Variants in CEBPZ observed in about 807,000 individuals in gnomAD.
CEBPZ encodes the protein CCAAT enhancer binding protein zeta.
In CEBPZ, 78 loss-of-function variants were observed where a neutral mutation model predicts 104.5. That is an observed-to-expected ratio of 0.75 (90% confidence interval 0.62 to 0.90). The LOEUF (loss-of-function observed/expected upper bound fraction) is 0.90, where lower values mean the gene tolerates loss of function less well. Ranked by LOEUF, CEBPZ falls within the 40% of genes least tolerant of loss-of-function variation. The probability of loss-of-function intolerance (pLI) is 0.00; values close to 1 mark genes in which losing one functional copy is unlikely to be tolerated. For missense variants in CEBPZ, 1,439 were observed against 1,233.5 expected (o/e 1.17, Z -2.50); for synonymous variants, 470 against 427.0 (o/e 1.10, Z -1.24).
chr2:37,224,108 G>C (rs1258427813), intron 2 of CEBPZ, among the ~76,000 whole-genome samples: 1 of 152,138 alleles, frequency 6.6e-6, no homozygotes, highest in Admixed American at 6.5e-5. Context: ...ATGAAATAGG[G>C]ATTATGCCTG....
At chr2:37,218,282 A>C (rs1366040655) in intron 5 of CEBPZ, among the ~76,000 whole-genome samples, 1 of 151,970 alleles carries the variant, frequency 6.6e-6, no homozygotes, top group Non-Finnish European at 1.5e-5. Flanking sequence ...AAAAAAGAAA[A>C]AAGAAAAAAA....
intron 13 of CEBPZ, chr2:37,210,148 T>G (rs1677674943): frequency 6.6e-6 from 1 of 152,174 alleles, no homozygotes; most frequent in African/African-American, 2.4e-5. Flanking sequence ...ATGGATGTGG[T>G]AATAAGGGAA....
intron 5 of CEBPZ, among the ~76,000 whole-genome samples, chr2:37,218,372 C>T (rs1045787591): frequency 1.3e-5 from 2 of 152,182 alleles, no homozygotes; most frequent in African/African-American, 4.8e-5. Context: ...TAATGTCTGG[C>T]TTAACAGAAG....
At position 37,231,484 on chromosome 2, in the gene CEBPZ, C is replaced by G. The variant is rs138749844; in HGVS notation, c.84G>C (p.Glu28Asp). 6 of 1,614,132 alleles carry G rather than the reference C, an allele frequency of 3.7e-6. No individual in the cohort carries two copies. The African/African-American group carries it at 8.0e-5, about 22-fold the overall frequency. ...PEEAVEDPDEEDEDNTSEAEN... is the reference protein window; with the variant it reads ...PEEAVEDPDEDDEDNTSEAEN... ...CGGCTTCACTAGTATTATCCTCATC[C>G]TCCTCGTCCGGATCTTCTACTGCCT... Residue 28 changes from glutamate to aspartate, a missense_variant, in exon 1 of 16, where the codon GAG (glutamate) becomes GAC (aspartate). By Grantham distance (45) the Glu-to-Asp change is conservative (BLOSUM62 2). Coordinates refer to ENST00000234170, the MANE Select transcript of CEBPZ (RefSeq NM_005760.3).
At chr2:37,222,338 G>A (rs1225475901) in intron 4 of CEBPZ, 42 bp downstream of exon 4, 1 of 1,423,354 alleles carries the variant, frequency 7.0e-7, no homozygotes, top group East Asian at 2.4e-5. Context: ...GAAAATCAAA[G>A]AGAAACAAAC....
chr2:37,212,487 CT>C, intron 10 of CEBPZ, 95 bp from the exon 11 acceptor site: 1 of 1,063,582 alleles, frequency 9.4e-7, no homozygotes, highest in Non-Finnish European at 1.4e-6. Flanking sequence ...CATGATTCTG[CT>C]GTTTATGACA....
At chr2:37,220,775 G>A (rs139616936) in intron 4 of CEBPZ, among the ~76,000 whole-genome samples, 1 of 152,288 alleles carries the variant, frequency 6.6e-6, no homozygotes, top group East Asian at 1.9e-4. Context: ...TGGATCATTT[G>A]AGTTCAGGAG....
chr2:37,228,386 A>T lies in CEBPZ; in HGVS notation c.807T>A (p.Leu269=), dbSNP rs755242196. The part of the protein sequence containing the change: ...AVHTLQFVET[L]VNLVKKKGSK... The stretch of plus-strand genomic sequence containing the variant: ...TGCCCTTCTTTTTAACAAGGTTCAC[A>T]AGAGTTTCTACAAACTGAAGTGTGT... Residue 269 remains leucine (L), a synonymous_variant, in exon 2 of 16, where the codon CTT becomes CTA. Transcript: ENST00000234170. The T allele has an allele frequency of 1.9e-6, 3 of 1,614,232 alleles. No homozygotes were observed. The highest frequency in any genetic ancestry group is 2.5e-6 in the Non-Finnish European group (3 of 1,180,046).
chr2:37,222,344 C>G, intron 4 of CEBPZ, 36 bp downstream of exon 4: 2 of 1,463,782 alleles, frequency 1.4e-6, no homozygotes, highest in Non-Finnish European at 1.8e-6. Flanking sequence ...CAAAGAGAAA[C>G]AAACTCCCTA....
intron 13 of CEBPZ, among the ~76,000 whole-genome samples, chr2:37,208,092 T>A (rs1677598881): frequency 6.6e-6 from 1 of 152,128 alleles, no homozygotes; most frequent in Non-Finnish European, 1.5e-5. Flanking sequence ...CCTTCTAGAT[T>A]AAACCAGAAA....
At chr2:37,205,551 C>T (rs1656522716) in intron 13 of CEBPZ, among the ~76,000 whole-genome samples, 1 of 152,218 alleles carries the variant, frequency 6.6e-6, no homozygotes, top group Admixed American at 6.5e-5. Flanking sequence ...TTTTCGGACT[C>T]AGCCCGCCTG....
Position 37,201,692 on chromosome 2 carries a change from G to C in CEBPZ, c.*72C>G. The C allele has an allele frequency of 4.3e-6, 4 of 928,404 alleles. No individual in the cohort carries two copies. Among genetic ancestry groups the C allele is most frequent in the Non-Finnish European group, 6.9e-6 (4 of 577,462 alleles). The allele number at this position is 928,404 out of a possible 1,614,324, so 57.5% of individuals were successfully genotyped here. A position where few individuals can be genotyped will look rare whatever the true frequency, so the allele number is the denominator to read the frequency against. The stretch of plus-strand genomic sequence containing the variant: ...TGGAATGTATGGAATCAGAGAGCTA[G>C]ATCAAAAAACATGGTTGAACAGCAA... On this transcript the variant is annotated 3_prime_UTR_variant, in exon 16 of 16. Coordinates refer to ENST00000234170, the MANE Select transcript of CEBPZ (RefSeq NM_005760.3).
intron 11 of CEBPZ, 81 bp from the exon 12 acceptor site, chr2:37,212,120 C>G: frequency 8.2e-7 from 1 of 1,224,952 alleles, no homozygotes; most frequent in Non-Finnish European, 1.1e-6. Flanking sequence ...GGGCAGTAGG[C>G]TATTAAATGA....
intron 5 of CEBPZ, among the ~76,000 whole-genome samples, chr2:37,218,950 T>C (rs912460193): frequency 6.6e-6 from 1 of 152,236 alleles, no homozygotes; most frequent in African/African-American, 2.4e-5. Flanking sequence ...GCACATTTCG[T>C]TATACTTTAC....
At position 37,216,158 on chromosome 2, in the gene CEBPZ, C is replaced by T. The variant is rs772577413; in HGVS notation, c.2362G>A (p.Asp788Asn). The T allele has an allele frequency of 2.9e-5, 47 of 1,612,084 alleles. No individual in the cohort carries two copies. Among genetic ancestry groups the T allele is most frequent in the Non-Finnish European group, 3.6e-5 (43 of 1,179,080 alleles). ...MQPKRKHFIK[D>N]IRHLPVNSKE... ...TACTTACCAGGAAGATGACGAATAT[C>T]CTTAATAAAATGTTTTCTTTTCGGC... The change falls in exon 8 of 16, where the codon GAT (aspartate) becomes AAT (asparagine). Residue 788 changes from aspartate to asparagine, a missense_variant. Transcript: ENST00000234170.
In CEBPZ at chr2:37,228,632, C is replaced by G; in HGVS notation, c.561G>C (p.Glu187Asp). The G allele has an allele frequency of 6.2e-7, 1 of 1,614,158 alleles. No homozygotes were observed. Among genetic ancestry groups the G allele is most frequent in the Non-Finnish European group, 8.5e-7 (1 of 1,180,022 alleles). Residue 187 changes from glutamate to aspartate, a missense_variant, in exon 2 of 16, where the codon GAG becomes GAC. Transcript: ENST00000234170. Reference protein sequence around the residue: ...LRPGGKWYDLEYSNEYSLKPQ... With the variant: ...LRPGGKWYDLDYSNEYSLKPQ... ...GTTTCAAAGAATATTCATTGCTGTA[C>G]TCCAGATCATACCATTTGCCTCCAG...
At chr2:37,216,496 A>G in intron 6 of CEBPZ, 78 bp from the exon 7 acceptor site, 1 of 1,020,554 alleles carries the variant, frequency 9.8e-7, no homozygotes, top group Non-Finnish European at 1.5e-6. Context: ...GAAGAAAAAG[A>G]TAATTTCTAT....
chr2:37,212,971 C>T (rs906938777), intron 10 of CEBPZ, among the ~76,000 whole-genome samples: 5 of 151,414 alleles, frequency 3.3e-5, no homozygotes, highest in African/African-American at 1.2e-4. Context: ...CCCAGAAGGT[C>T]TAGGCTGCAG....
chr2:37,227,944 T>C lies in CEBPZ; in HGVS notation c.1249A>G (p.Lys417Glu), dbSNP rs1002819806. ...ETLLCKHPNMKGVVSGEVERL... is the reference protein window; with the variant it reads ...ETLLCKHPNMEGVVSGEVERL... ...TCTACTTCACCAGACACAACTCCTT[T>C]CATATTGGGATGTTTACAAAGTAAT... The change falls in exon 2 of 16, where the codon AAA becomes GAA. Residue 417 changes from lysine to glutamate, a missense_variant. By Grantham distance (56) the Lys-to-Glu change is moderately conservative. Coordinates refer to ENST00000234170, the MANE Select transcript of CEBPZ (RefSeq NM_005760.3). 1 of 1,614,072 alleles carries C rather than the reference T, an allele frequency of 6.2e-7. No individual in the cohort carries two copies. The highest frequency in any genetic ancestry group is 8.5e-7 in the Non-Finnish European group (1 of 1,180,036).
Sources: gnomAD v4.1 joint callset for allele counts (sites outside exome capture counted in the v4.1 genomes callset) on GRCh38, gnomAD v4.1.1 for gene constraint, MANE v1.5 for transcripts, NCBI Gene and HGNC (gene_info 2026-07-23, HGNC 2026-07-21) for gene names.